The following IFT140 variants were observed in gnomAD, a reference collection of about 807,000 sequenced individuals.
The protein encoded by IFT140 is intraflagellar transport 140.
Under a neutral mutation model 164.6 loss-of-function variants are expected in IFT140, and 133 were observed. That is an observed-to-expected ratio of 0.81 (90% CI 0.70 to 0.93). IFT140 has a LOEUF of 0.93. Ranked by LOEUF, IFT140 falls within the 40% of genes least tolerant of loss-of-function variation. The pLI, the probability that IFT140 is intolerant of heterozygous loss-of-function variation, is 0.00. For synonymous variants in IFT140, 860 were observed against 817.3 expected (o/e 1.05, Z -0.89); for missense variants, 2,045 against 1,972.3 (o/e 1.04, Z -0.70).
chr16:1,587,168 T>C (rs777629121), intron 9 of IFT140, 30 bp downstream of exon 9: 11 of 1,410,884 alleles, frequency 7.8e-6, no homozygotes, highest in East Asian at 6.8e-5. Context: ...GTTGGTTCTG[T>C]TTCTCTTGTG....
intron 19 of IFT140, chr16:1,534,623 G>A (rs2030875421): frequency 3.1e-6 from 5 of 1,593,160 alleles, no homozygotes; most frequent in Non-Finnish European, 4.3e-6. Flanking sequence ...GAGATGTTAG[G>A]CGCGGACCTG....
At chr16:1,572,216 G>T (rs2034057419) in intron 13 of IFT140, among the ~76,000 whole-genome samples, 1 of 152,338 alleles carries the variant, frequency 6.6e-6, no homozygotes, top group South Asian at 2.1e-4. Context: ...GGAAGAGTGA[G>T]ATTTCCTTCT....
At chr16:1,524,529 TCC>T (rs748163335) in intron 24 of IFT140, 21 bp downstream of exon 24, 3 of 1,609,830 alleles carry the variant, frequency 1.9e-6, no homozygotes. Flanking sequence ...AAGCGCCGGC[TCC>T]CCACCCCGGG....
At chr16:1,556,019 T>C (rs1423171106) in intron 19 of IFT140, among the ~76,000 whole-genome samples, 3 of 152,008 alleles carry the variant, frequency 2.0e-5, no homozygotes, top group Admixed American at 1.3e-4. Context: ...GGCAGGAAAA[T>C]TGCTTGAATC....
At chr16:1,520,420 C>G in intron 27 of IFT140, 77 bp from the exon 28 acceptor site, 1 of 1,512,126 alleles carries the variant, frequency 6.6e-7, no homozygotes, top group Non-Finnish European at 9.1e-7. Context: ...AGCAGGAGCT[C>G]TCACAAGAAG....
At chr16:1,524,402 G>C in intron 24 of IFT140, 150 bp downstream of exon 24, 1 of 1,010,194 alleles carries the variant, frequency 9.9e-7, no homozygotes, top group Non-Finnish European at 1.4e-6. Context: ...CAGAGGGGTG[G>C]GCGGGTGAGG....
intron 3 of IFT140, among the ~76,000 whole-genome samples, chr16:1,606,857 C>A (rs996617583): frequency 6.6e-6 from 1 of 151,932 alleles, no homozygotes; most frequent in African/African-American, 2.4e-5. Context: ...TGCACACACA[C>A]GCATACACCC....
chr16:1,519,870 CG>C lies in IFT140; in HGVS notation c.4040+10del. On this transcript the variant is annotated intron_variant, in intron 29 of 30. Coordinates refer to ENST00000426508, the MANE Select transcript of IFT140 (RefSeq NM_014714.4). ...TGCCCTGGCCTGTCCCCGCTGGCCC[CG>C]GGGGCACACCTGCGGGCCTGGATGA... 3.9e-6 allele frequency: 6 copies of C among 1,523,946 alleles called. No individual in the cohort carries two copies. The highest frequency in any genetic ancestry group is 4.5e-5 in the East Asian group (2 of 44,016). 94.4% of individuals were successfully genotyped at this position (1,523,946 alleles called of 1,614,324 possible). A position where few individuals can be genotyped will look rare whatever the true frequency, so the allele number is the denominator to read the frequency against.
intron 19 of IFT140, among the ~76,000 whole-genome samples, chr16:1,528,280 C>T (rs571131115): frequency 8.5e-5 from 13 of 152,244 alleles, no homozygotes; most frequent in African/African-American, 3.1e-4. Context: ...CCACACGCGC[C>T]TCCCCTACAA....
At chr16:1,586,404 C>T (rs538753843) in intron 9 of IFT140, 129 bp from the exon 10 acceptor site, 4 of 900,736 alleles carry the variant, frequency 4.4e-6, no homozygotes, top group East Asian at 2.6e-5. Flanking sequence ...TCCACCTCAT[C>T]CCTGGCTGCA....
chr16:1,565,144 G>A (rs151181820), intron 16 of IFT140, among the ~76,000 whole-genome samples: 16 of 152,318 alleles, frequency 1.1e-4, no homozygotes, highest in Non-Finnish European at 1.9e-4. Context: ...GCGCAGAGTC[G>A]AGAGGGAAAA....
intron 6 of IFT140, among the ~76,000 whole-genome samples, chr16:1,591,743 A>C (rs1251622336): frequency 6.6e-6 from 1 of 152,180 alleles, no homozygotes; most frequent in East Asian, 1.9e-4. Flanking sequence ...CGGGGGCCTC[A>C]GGCTGGAGTG....
At position 1,602,412 on chromosome 16, in the gene IFT140, G is replaced by A. The variant is rs1464548812; in HGVS notation, c.327C>T (p.Leu109=). ...PLTHTADITV[L]RWSPSGNCLL... ...GGCAGTTTCCACTGGGGCTCCAACG[G>A]AGCACGGTGATGTCGGCTGTGTGTG... The change falls in exon 4 of 31, where the codon CTC becomes CTT. Residue 109 remains leucine (L), a synonymous_variant. Coordinates refer to ENST00000426508, the MANE Select transcript of IFT140 (RefSeq NM_014714.4). 1 of 1,614,210 alleles carries A rather than the reference G, an allele frequency of 6.2e-7. No homozygotes were observed. The highest frequency in any genetic ancestry group is 1.1e-5 in the South Asian group (1 of 91,084).
chr16:1,586,282 G>C lies in IFT140; in HGVS notation c.1010-7C>G. 3 of 1,609,734 alleles carry C rather than the reference G, an allele frequency of 1.9e-6. No homozygotes were observed. Among genetic ancestry groups the C allele is most frequent in the Non-Finnish European group, 2.5e-6 (3 of 1,178,042 alleles). ...GTACCAGCGGCCAGAAGACCTACAG[G>C]TAGAAACAAACTGCATGTGAACAGA... On this transcript the variant is annotated splice_region_variant and splice_polypyrimidine_tract_variant and intron_variant, in intron 9 of 30. Coordinates refer to ENST00000426508, the MANE Select transcript of IFT140 (RefSeq NM_014714.4).
At chr16:1,594,082 T>G (rs963321631) in intron 4 of IFT140, among the ~76,000 whole-genome samples, 3 of 152,238 alleles carry the variant, frequency 2.0e-5, no homozygotes, top group African/African-American at 7.2e-5. Context: ...GCTTCATGTA[T>G]TCTGTTGCTC....
chr16:1,577,663 G>A (rs1182879043), intron 13 of IFT140: 1 of 152,128 alleles, frequency 6.6e-6, no homozygotes, highest in African/African-American at 2.4e-5. Context: ...AGACTAGGCT[G>A]GCCAACATGG....
At chr16:1,573,573 G>C (rs1234116193) in intron 13 of IFT140, among the ~76,000 whole-genome samples, 1 of 152,086 alleles carries the variant, frequency 6.6e-6, no homozygotes, top group Non-Finnish European at 1.5e-5. Flanking sequence ...CTCTGCCTCT[G>C]GAGTTCCTGT....
At chr16:1,511,629 C>T (rs2040160286) in intron 30 of IFT140, among the ~76,000 whole-genome samples, 1 of 151,708 alleles carries the variant, frequency 6.6e-6, no homozygotes, top group South Asian at 2.1e-4. Context: ...ATATAATAAG[C>T]TTGTTGGATG....
At chr16:1,568,415 C>T (rs114452625) in intron 14 of IFT140, 81 bp from the exon 15 acceptor site, 41 of 1,121,586 alleles carry the variant, frequency 3.7e-5, no homozygotes, top group Admixed American at 1.7e-4. Flanking sequence ...CTCTGTTCAC[C>T]GGATGAGTGC....
Sources: gnomAD v4.1 joint callset for allele counts (sites outside exome capture counted in the v4.1 genomes callset) on GRCh38, gnomAD v4.1.1 for gene constraint, MANE v1.5 for transcripts, NCBI Gene and HGNC (gene_info 2026-07-23, HGNC 2026-07-21) for gene names.